Variants in SLITRK1 observed in about 807,000 individuals in gnomAD.
The protein encoded by SLITRK1 is SLIT and NTRK like family member 1, also known as SLIT and NTRK-like protein 1.
Under a neutral mutation model 42.4 loss-of-function variants are expected in SLITRK1, and 10 were observed. The ratio of observed to expected loss-of-function variants is 0.24; its 90% confidence interval spans 0.15 to 0.40. The LOEUF (loss-of-function observed/expected upper bound fraction) is 0.40, where lower values mean the gene tolerates loss of function less well. SLITRK1 is among the 10% of genes least tolerant of loss of function. The pLI, the probability that SLITRK1 is intolerant of heterozygous loss-of-function variation, is 1.00. For missense variants in SLITRK1, 778 were observed against 848.8 expected (o/e 0.92, Z 1.04); for synonymous variants, 389 against 365.7 (o/e 1.06, Z -0.73).
In SLITRK1 at chr13:83,880,220, T is replaced by C. The variant is rs1324119767; in HGVS notation, c.1288A>G (p.Met430Val). 2.5e-6 allele frequency: 4 copies of C among 1,614,060 alleles called. No individual in the cohort carries two copies. The South Asian group carries it at 3.3e-5, about 13-fold the overall frequency. ...KNLLDLRWLY[M>V]DSNYLDTLSR... The stretch of plus-strand genomic sequence containing the variant: ...AGCGTGTCCAGGTAATTGCTATCCA[T>C]GTATAGCCACCTGAGGTCCAAAAGG... Residue 430 changes from methionine (M) to valine (V), a missense_variant, in exon 2 of 2, where the codon ATG becomes GTG. By Grantham distance (21) the Met-to-Val change is conservative. Around this residue, in one of 4 missense-constraint regions of SLITRK1, gnomAD observed 395 missense variants for 360.4 expected, o/e 1.10. Coordinates refer to ENST00000674365, the MANE Select transcript of SLITRK1 (RefSeq NM_001281503.2).
chr13:83,878,130 A>T lies in SLITRK1; in HGVS notation c.*1287T>A, dbSNP rs1884728963. On this transcript the variant is annotated 3_prime_UTR_variant, in exon 2 of 2. Transcript: ENST00000674365. The stretch of plus-strand genomic sequence containing the variant: ...TAAGGCGATTAGAGAAAGAGCCTTA[A>T]TGTAGCTCAGGAAGGGATCTAACCC... The T allele has an allele frequency of 6.6e-6, 1 of 152,322 alleles. No homozygotes were observed. Among genetic ancestry groups the T allele is most frequent in the Non-Finnish European group, 1.5e-5 (1 of 68,038 alleles). 9.4% of individuals were successfully genotyped at this position (152,322 alleles called of 1,614,324 possible). A position where few individuals can be genotyped will look rare whatever the true frequency, so the allele number is the denominator to read the frequency against.
Position 83,881,415 on chromosome 13 carries a change from G to A in SLITRK1, c.93C>T (p.Cys31=). The change falls in exon 2 of 2, where the codon TGC becomes TGT. Residue 31 remains cysteine (C), a synonymous_variant. Transcript: ENST00000674365. ...GDVCKEKICS[C]NEIEGDLHVD... ...CGTGTAGGTCCCCTTCTATCTCATT[G>A]CAGGAACAGATCTTCTCTTTGCAAA... 1 of 1,613,760 alleles carries A rather than the reference G, an allele frequency of 6.2e-7. No individual in the cohort carries two copies.
Position 83,880,531 on chromosome 13 carries a change from G to A in SLITRK1, c.977C>T (p.Ala326Val). 1.9e-6 allele frequency: 3 copies of A among 1,614,082 alleles called. No homozygotes were observed. Among genetic ancestry groups the A allele is most frequent in the Non-Finnish European group, 2.5e-6 (3 of 1,180,026 alleles). The change falls in exon 2 of 2, where the codon GCG (alanine) becomes GTG (valine). Residue 326 changes from alanine (A) to valine (V), a missense_variant. By Grantham distance (64) the Ala-to-Val change is moderately conservative. Transcript: ENST00000674365. Reference sequence around the variant, plus strand: ...GGGTTTGTTCCTGGAGCTACCCGTCGCTATCGCTGCTGTGGGTCTGATTTT... The same window carrying A: ...GGGTTTGTTCCTGGAGCTACCCGTCACTATCGCTGCTGTGGGTCTGATTTT... ...QIKIRPTAAI[A>V]TGSSRNKPLA...
rs1208111233 is a variant in SLITRK1, at chr13:83,880,042, T to C, written c.1466A>G (p.Asp489Gly). ...AGAGAGCGAGACCCCAGCGAACACGTCCACAGGCAGGGACCTCAGCAGGTT... is the reference window on the plus strand; with the variant it reads ...AGAGAGCGAGACCCCAGCGAACACGCCCACAGGCAGGGACCTCAGCAGGTT... ...NNNLLRSLPV[D>G]VFAGVSLSKL... Residue 489 changes from aspartate to glycine, a missense_variant, in exon 2 of 2, where the codon GAC (aspartate) becomes GGC (glycine). Transcript: ENST00000674365. The C allele has an allele frequency of 6.2e-7, 1 of 1,613,990 alleles. No individual in the cohort carries two copies. Among genetic ancestry groups the C allele is most frequent in the Non-Finnish European group, 8.5e-7 (1 of 1,180,004 alleles).
Position 83,881,226 on chromosome 13 carries a change from C to T in SLITRK1, c.282G>A (p.Leu94=), listed in dbSNP as rs1410244448. The T allele has an allele frequency of 6.2e-7, 1 of 1,614,018 alleles. No individual in the cohort carries two copies. Among genetic ancestry groups the T allele is most frequent in the African/African-American group, 1.3e-5 (1 of 74,896 alleles). ...AVSLHMENNG[L]HEIVPGAFLG... The stretch of plus-strand genomic sequence containing the variant: ...GAAAAGCCCCCGGAACGATTTCATG[C>T]AAGCCATTGTTTTCCATGTGCAAAC... The change falls in exon 2 of 2, where the codon TTG becomes TTA. Residue 94 remains leucine (L), a synonymous_variant. Transcript: ENST00000674365.
At position 83,879,455 on chromosome 13, in the gene SLITRK1, T is replaced by C; in HGVS notation, c.2053A>G (p.Arg685Gly). ...GAGTGAGAGCCACAGTCATACACTC[T>C]GTGGGCCCCATCTGCGTTGTAAGGC... ...NGPYNADGAH[R>G]VYDCGSHSLS... The change falls in exon 2 of 2, where the codon AGA becomes GGA. Residue 685 changes from arginine (R) to glycine (G), a missense_variant. Physicochemically the swap from Arg to Gly is moderately radical, Grantham distance 125. Around this residue, in one of 4 missense-constraint regions of SLITRK1, gnomAD observed 164 missense variants for 158.2 expected, o/e 1.04. Transcript: ENST00000674365. 1 of 1,613,862 alleles carries C rather than the reference T, an allele frequency of 6.2e-7. No homozygotes were observed. Among genetic ancestry groups the C allele is most frequent in the Non-Finnish European group, 8.5e-7 (1 of 1,180,022 alleles).
rs768364621 is a variant in SLITRK1, at chr13:83,880,806, G to A, written c.702C>T (p.Ala234=). 8.1e-6 allele frequency: 13 copies of A among 1,614,126 alleles called. No individual in the cohort carries two copies. In the African/African-American group the frequency reaches 1.1e-4, roughly 13 times the overall value. ...CTTCGCAGACCACTCGGCCGATCAG[G>A]GCATTCTTGGGAATGTTTTCCAGCC... ...KEWLENIPKN[A]LIGRVVCEAP... is the part of the protein sequence containing the mutation. Residue 234 remains alanine (A), a synonymous_variant, in exon 2 of 2, where the codon GCC becomes GCT. Transcript: ENST00000674365.
Position 83,881,478 on chromosome 13 carries a change from C to G in SLITRK1, c.30G>C (p.Thr10=). Residue 10 remains threonine (T), a synonymous_variant, in exon 2 of 2, where the codon ACG becomes ACC. Coordinates refer to ENST00000674365, the MANE Select transcript of SLITRK1 (RefSeq NM_001281503.2). MLLWILLLE[T]SLCFAAGNVT... ...CGTTTCCAGCGGCAAAACAAAGAGA[C>G]GTCTCCAGCAACAGAATCCAAAGCA... 1 of 1,613,968 alleles carries G rather than the reference C, an allele frequency of 6.2e-7. No individual in the cohort carries two copies. The highest frequency in any genetic ancestry group is 8.5e-7 in the Non-Finnish European group (1 of 1,180,014).
At position 83,882,037 on chromosome 13, in the gene SLITRK1, G is replaced by C. The variant is rs1884825976; in HGVS notation, c.-87C>G. Reference sequence around the variant, plus strand: ...TCTGATACAAAGCAGGGTTTTCCGCGGCTTCTGTTGTTGAGGCTGCTGGTG... The same window carrying C: ...TCTGATACAAAGCAGGGTTTTCCGCCGCTTCTGTTGTTGAGGCTGCTGGTG... On this transcript the variant is annotated 5_prime_UTR_variant, in exon 1 of 2. Coordinates refer to ENST00000674365, the MANE Select transcript of SLITRK1 (RefSeq NM_001281503.2). The C allele has an allele frequency of 5.9e-6, 1 of 168,212 alleles. No homozygotes were observed. Among genetic ancestry groups the C allele is most frequent in the Non-Finnish European group, 1.4e-5 (1 of 69,240 alleles). 10.4% of individuals were successfully genotyped at this position (168,212 alleles called of 1,614,324 possible).
rs1884785919 is a variant in SLITRK1 at position 83,880,407 on chromosome 13, C to G, written c.1101G>C (p.Leu367Phe). 1 of 1,613,784 alleles carries G rather than the reference C, an allele frequency of 6.2e-7. No homozygotes were observed. Among genetic ancestry groups the G allele is most frequent in the African/African-American group, 1.3e-5 (1 of 74,868 alleles). Reference protein sequence around the residue: ...MNCNNRNVSSLADLKPKLSNV... With the variant: ...MNCNNRNVSSFADLKPKLSNV... ...TAGAGAGCTTGGGCTTCAAATCAGC[C>G]AAGCTGCTCACGTTCCTGTTGTTGC... The change falls in exon 2 of 2, where the codon TTG (leucine) becomes TTC (phenylalanine). Residue 367 changes from leucine to phenylalanine, a missense_variant. Leu to Phe is a conservative substitution (Grantham distance 22). Transcript: ENST00000674365.
Position 83,880,604 on chromosome 13 carries a change from C to G in SLITRK1, c.904G>C (p.Gly302Arg). 6 of 1,614,100 alleles carry G rather than the reference C, an allele frequency of 3.7e-6. No individual in the cohort carries two copies. Among genetic ancestry groups the G allele is most frequent in the Non-Finnish European group, 5.1e-6 (6 of 1,180,032 alleles). The change falls in exon 2 of 2, where the codon GGG becomes CGG. Residue 302 changes from glycine to arginine, a missense_variant. Gly to Arg is a moderately radical substitution (Grantham distance 125). Transcript: ENST00000674365. The stretch of plus-strand genomic sequence containing the variant: ...TTTGTACCTCCGTTTGGAGCAGACC[C>G]TGGTGTGGCATGATCCTCTTGCCCA... ...TNGQEDHATP[G>R]SAPNGGTKIP... is the part of the protein sequence containing the mutation.
In SLITRK1 at chr13:83,879,735, C is replaced by T. The variant is rs762976994; in HGVS notation, c.1773G>A (p.Ser591=). 2 of 1,613,880 alleles carry T rather than the reference C, an allele frequency of 1.2e-6. No homozygotes were observed. Among genetic ancestry groups the T allele is most frequent in the Non-Finnish European group, 1.7e-6 (2 of 1,179,976 alleles). The change falls in exon 2 of 2, where the codon TCG becomes TCA. Residue 591 remains serine (S), a synonymous_variant. Transcript: ENST00000674365. The part of the protein sequence containing the change: ...LYARISPTLT[S]HSKNSTGLAE... ...CCAACCCAGTGCTGTTTTTACTGTG[C>T]GAAGTTAACGTGGGCGAGATCCTAG...
chr13:83,881,751 GAAAA>G (rs771177138), intron 1 of SLITRK1, 191 bp from the exon 2 acceptor site: 16 of 106,724 alleles, frequency 1.5e-4, no homozygotes, highest in East Asian at 5.5e-4. Context: ...GGCAAGCAAA[GAAAA>G]AAAAAAAAAA....
rs1273516846 is a variant in SLITRK1, at chr13:83,880,899, A to G, written c.609T>C (p.Gly203=). The part of the protein sequence containing the change: ...PYEEVLEQIP[G]IAEILLEDNP... ...TATCCTCTAGCAGGATCTCCGCAAT[A>G]CCAGGGATTTGCTCCAAGACCTCCT... is the stretch of plus-strand genomic sequence containing the variant. The change falls in exon 2 of 2, where the codon GGT becomes GGC. Residue 203 remains glycine (G), a synonymous_variant. Transcript: ENST00000674365. 6.2e-7 allele frequency: 1 copy of G among 1,613,988 alleles called. No individual in the cohort carries two copies. Among genetic ancestry groups the G allele is most frequent in the Admixed American group, 1.7e-5 (1 of 59,990 alleles).
Position 83,880,455 on chromosome 13 carries a change from T to C in SLITRK1, c.1053A>G (p.Pro351=), listed in dbSNP as rs1438127287. The C allele has an allele frequency of 1.2e-6, 2 of 1,613,976 alleles. No individual in the cohort carries two copies. The highest frequency in any genetic ancestry group is 1.7e-5 in the Admixed American group (1 of 60,010). The part of the protein sequence containing the change: ...CPGGCSCDHI[P]GSGLKMNCNN... ...TGCAGTTCATCTTTAAACCCGACCC[T>C]GGGATGTGGTCGCAGCTGCAGCCCC... Residue 351 remains proline, a synonymous_variant, in exon 2 of 2, where the codon CCA becomes CCG. Coordinates refer to ENST00000674365, the MANE Select transcript of SLITRK1 (RefSeq NM_001281503.2).
Position 83,879,896 on chromosome 13 carries a change from C to T in SLITRK1, c.1612G>A (p.Val538Met). 2 of 1,614,120 alleles carry T rather than the reference C, an allele frequency of 1.2e-6. No homozygotes were observed. Among genetic ancestry groups the T allele is most frequent in the African/African-American group, 1.3e-5 (1 of 75,026 alleles). ...GNPWECSCTIVPFKQWAERLG... is the reference protein window; with the variant it reads ...GNPWECSCTIMPFKQWAERLG... ...CGTTCTGCCCACTGCTTGAAAGGCA[C>T]AATTGTGCAGGAGCACTCCCAGGGG... The change falls in exon 2 of 2, where the codon GTG (valine) becomes ATG (methionine). Residue 538 changes from valine (V) to methionine (M), a missense_variant. Physicochemically the swap from Val to Met is conservative, Grantham distance 21. Coordinates refer to ENST00000674365, the MANE Select transcript of SLITRK1 (RefSeq NM_001281503.2).
Position 83,880,440 on chromosome 13 carries a change from C to T in SLITRK1, c.1068G>A (p.Lys356=), listed in dbSNP as rs1483551678. ...TCACGTTCCTGTTGTTGCAGTTCAT[C>T]TTTAAACCCGACCCTGGGATGTGGT... The part of the protein sequence containing the change: ...SCDHIPGSGL[K]MNCNNRNVSS... The change falls in exon 2 of 2, where the codon AAG becomes AAA. Residue 356 remains lysine (K), a synonymous_variant. Coordinates refer to ENST00000674365, the MANE Select transcript of SLITRK1 (RefSeq NM_001281503.2). 1.9e-6 allele frequency: 3 copies of T among 1,613,910 alleles called. No homozygotes were observed. The African/African-American group carries it at 4.0e-5, about 22-fold the overall frequency.
chr13:83,880,598 C>T lies in SLITRK1; in HGVS notation c.910G>A (p.Ala304Thr), dbSNP rs747915083. 6.2e-7 allele frequency: 1 copy of T among 1,614,048 alleles called. No homozygotes were observed. The highest frequency in any genetic ancestry group is 1.3e-5 in the African/African-American group (1 of 74,912). ...GQEDHATPGSAPNGGTKIPGN... is the reference protein window; with the variant it reads ...GQEDHATPGSTPNGGTKIPGN... ...GGGATCTTTGTACCTCCGTTTGGAG[C>T]AGACCCTGGTGTGGCATGATCCTCT... Residue 304 changes from alanine (A) to threonine (T), a missense_variant, in exon 2 of 2, where the codon GCT becomes ACT. Transcript: ENST00000674365.
At position 83,880,816 on chromosome 13, in the gene SLITRK1, G is replaced by C; in HGVS notation, c.692C>G (p.Pro231Arg). The C allele has an allele frequency of 1.2e-6, 2 of 1,614,080 alleles. No homozygotes were observed. Among genetic ancestry groups the C allele is most frequent in the Non-Finnish European group, 1.7e-6 (2 of 1,180,020 alleles). Residue 231 changes from proline (P) to arginine (R), a missense_variant, in exon 2 of 2, where the codon CCC becomes CGC. Pro to Arg is a moderately radical substitution (Grantham distance 103). Coordinates refer to ENST00000674365, the MANE Select transcript of SLITRK1 (RefSeq NM_001281503.2). The stretch of plus-strand genomic sequence containing the variant: ...CACTCGGCCGATCAGGGCATTCTTG[G>C]GAATGTTTTCCAGCCATTCTTTCAG... ...LSLKEWLENIPKNALIGRVVC... is the reference protein window; with the variant it reads ...LSLKEWLENIRKNALIGRVVC...
Sources: gnomAD v4.1 joint callset for allele counts on GRCh38, gnomAD v4.1.1 for gene constraint, gnomAD v4.1.1 regional missense constraint, MANE v1.5 for transcripts, NCBI Gene and HGNC (gene_info 2026-07-23, HGNC 2026-07-21) for gene names.